ARHGAP32: variants seen among roughly 807,000 people sequenced by gnomAD.
ARHGAP32 encodes Rho GTPase activating protein 32.
Under a neutral mutation model 186.5 loss-of-function variants are expected in ARHGAP32, and 51 were observed. The observed-to-expected ratio is 0.27, with a 90% CI of 0.22 to 0.35. The LOEUF is 0.35. Among genes scored for constraint, ARHGAP32 ranks in the 10% least tolerant of loss-of-function variants. ARHGAP32 has a pLI of 1.00. For synonymous variants in ARHGAP32, 950 were observed against 964.3 expected (o/e 0.99, Z 0.27); for missense variants, 2,186 against 2,623.5 (o/e 0.83, Z 3.64).
At chr11:129,230,543 A>G (rs984695538) in intron 1 of ARHGAP32, among the ~76,000 whole-genome samples, 1 of 70 alleles carries the variant, frequency 0.014, no homozygotes, top group Non-Finnish European at 0.029. Context: ...ATATCTCACA[A>G]TATTTTGTTA....
chr11:129,075,860 C>T (rs146100050), intron 6 of ARHGAP32, among the ~76,000 whole-genome samples: 2 of 152,210 alleles, frequency 1.3e-5, no homozygotes, highest in East Asian at 3.9e-4. Context: ...TGAAGAGGTG[C>T]TGAGTGAAAT....
At chr11:129,013,544 A>G (rs1481259789) in intron 11 of ARHGAP32, among the ~76,000 whole-genome samples, 1 of 152,192 alleles carries the variant, frequency 6.6e-6, no homozygotes, top group African/African-American at 2.4e-5. Context: ...ACTCCTCTTC[A>G]TTGTGGTAGA....
At chr11:129,156,846 G>A (rs551277479) in intron 2 of ARHGAP32, among the ~76,000 whole-genome samples, 8 of 152,268 alleles carry the variant, frequency 5.3e-5, no homozygotes, top group South Asian at 2.1e-4. Context: ...GGCATCTGGC[G>A]GGTGCCCCTC....
intron 11 of ARHGAP32, among the ~76,000 whole-genome samples, chr11:129,031,481 A>T (rs191384022): frequency 1.3e-5 from 2 of 152,316 alleles, no homozygotes; most frequent in East Asian, 3.9e-4. Flanking sequence ...ACAGGTATAT[A>T]AATTTAACAC....
At chr11:129,143,066 A>C (rs996168626) in intron 2 of ARHGAP32, among the ~76,000 whole-genome samples, 1 of 41,092 alleles carries the variant, frequency 2.4e-5, no homozygotes, top group African/African-American at 9.2e-5. Flanking sequence ...TATGCTGGTA[A>C]AACTGCATAT....
At chr11:129,045,783 T>C (rs1939781525) in intron 10 of ARHGAP32, among the ~76,000 whole-genome samples, 1 of 152,118 alleles carries the variant, frequency 6.6e-6, no homozygotes, top group Non-Finnish European at 1.5e-5. Context: ...ATTGGGTATA[T>C]TGGCAGGGGT....
chr11:129,273,520 G>T (rs1321563623), intron 1 of ARHGAP32, among the ~76,000 whole-genome samples: 1 of 152,134 alleles, frequency 6.6e-6, no homozygotes. Context: ...CAAACATCCA[G>T]GTCCTCTTGA....
At chr11:129,006,536 C>T (rs745894848) in intron 11 of ARHGAP32, among the ~76,000 whole-genome samples, 12 of 152,152 alleles carry the variant, frequency 7.9e-5, no homozygotes, top group Non-Finnish European at 1.5e-4. Context: ...TCTGGATTAC[C>T]GGTCAGAGAC....
At chr11:129,170,183 A>G (rs557126269) in intron 1 of ARHGAP32, among the ~76,000 whole-genome samples, 1 of 150,742 alleles carries the variant, frequency 6.6e-6, no homozygotes, top group East Asian at 1.9e-4. Context: ...AAATATATAT[A>G]TATAATTTCT....
chr11:129,008,878 A>G (rs1937926138), intron 11 of ARHGAP32, among the ~76,000 whole-genome samples: 1 of 152,188 alleles, frequency 6.6e-6, no homozygotes, highest in South Asian at 2.1e-4. Context: ...GTCACATATA[A>G]TATCACTATA....
At chr11:129,019,827 T>C (rs1259155761) in intron 11 of ARHGAP32, among the ~76,000 whole-genome samples, 1 of 152,144 alleles carries the variant, frequency 6.6e-6, no homozygotes, top group Non-Finnish European at 1.5e-5. Context: ...TATAGTCTAA[T>C]TAAGGTCATC....
rs763971755 is a variant in ARHGAP32 at position 129,123,523 on chromosome 11, A to C, written c.367T>G (p.Phe123Val). ...ATCTTCGGAAAGTGACCTTTAGTGA[A>C]GGGTAACCTGAAACACATGAAATAA... Reference protein sequence around the residue: ...MGCDNIHRLPFTKGHFPKMAE... With the variant: ...MGCDNIHRLPVTKGHFPKMAE... Residue 123 changes from phenylalanine to valine, a missense_variant, in exon 5 of 23, where the codon TTC (phenylalanine) becomes GTC (valine). Coordinates refer to ENST00000682385, the MANE Select transcript of ARHGAP32 (RefSeq NM_001378024.1). The surrounding 1 kb of genome is among the most constrained non-coding windows in gnomAD (Gnocchi z 4.6). 15 of 1,612,036 alleles carry C rather than the reference A, an allele frequency of 9.3e-6. No individual in the cohort carries two copies. Among genetic ancestry groups the C allele is most frequent in the Non-Finnish European group, 1.3e-5 (15 of 1,178,464 alleles).
At position 129,064,029 on chromosome 11, in the gene ARHGAP32, C is replaced by G. The variant is rs756942259; in HGVS notation, c.763-5G>C. On this transcript the variant is annotated splice_region_variant and splice_polypyrimidine_tract_variant and intron_variant, in intron 8 of 22. Coordinates refer to ENST00000682385, the MANE Select transcript of ARHGAP32 (RefSeq NM_001378024.1). ...GTGATTTCCCTTATTATCAATCTAT[C>G]ACAAAGAAAATGTACTATGAGATAA... The G allele has an allele frequency of 2.2e-5, 35 of 1,602,282 alleles. No individual in the cohort carries two copies. Among genetic ancestry groups the G allele is most frequent in the Non-Finnish European group, 3.0e-5 (35 of 1,175,788 alleles).
intron 6 of ARHGAP32, among the ~76,000 whole-genome samples, chr11:129,072,822 A>G (rs1182793635): frequency 6.6e-6 from 1 of 152,220 alleles, no homozygotes; most frequent in Non-Finnish European, 1.5e-5. Flanking sequence ...GAGGGACAGG[A>G]GAAAATAAAC....
chr11:129,164,819 T>C (rs1304512994), intron 1 of ARHGAP32, among the ~76,000 whole-genome samples: 1 of 152,174 alleles, frequency 6.6e-6, no homozygotes, highest in Non-Finnish European at 1.5e-5. Flanking sequence ...AAAGATATGG[T>C]ATTTCTGGTT....
intron 11 of ARHGAP32, among the ~76,000 whole-genome samples, chr11:129,039,968 A>G (rs1315112973): frequency 6.6e-6 from 1 of 152,180 alleles, no homozygotes; most frequent in Admixed American, 6.5e-5. Flanking sequence ...ACAAATTCCA[A>G]TGAGAGAAAT....
chr11:129,169,975 G>C (rs1179603253), intron 1 of ARHGAP32, among the ~76,000 whole-genome samples: 2 of 151,954 alleles, frequency 1.3e-5, no homozygotes, highest in Non-Finnish European at 2.9e-5. Context: ...GACATTACTA[G>C]AAGAGAAAAT....
At chr11:129,168,696 A>T (rs1027917412) in intron 1 of ARHGAP32, among the ~76,000 whole-genome samples, 1 of 152,186 alleles carries the variant, frequency 6.6e-6, no homozygotes, top group Non-Finnish European at 1.5e-5. Context: ...AACAACTACA[A>T]AACTCATTTT....
At chr11:129,263,664 AAGG>A (rs1328449522) in intron 1 of ARHGAP32, among the ~76,000 whole-genome samples, 10 of 145,896 alleles carry the variant, frequency 6.9e-5, no homozygotes, top group Non-Finnish European at 1.5e-4. Context: ...AGGAAGAAGG[AAGG>A]AGGAGGAGGA....
Sources: gnomAD v4.1 joint callset for allele counts (sites outside exome capture counted in the v4.1 genomes callset) on GRCh38, gnomAD v4.1.1 for gene constraint, Gnocchi (gnomAD v3.1) non-coding constraint, MANE v1.5 for transcripts, NCBI Gene and HGNC (gene_info 2026-07-23, HGNC 2026-07-21) for gene names.